Variants in ERO1B observed in about 807,000 individuals in gnomAD.
The protein encoded by ERO1B is ERO1-like protein beta.
A neutral mutation model predicts 75.3 loss-of-function variants in ERO1B; 49 were observed. The observed-to-expected ratio is 0.65, with a 90% confidence interval of 0.52 to 0.83. The LOEUF (loss-of-function observed/expected upper bound fraction) is 0.83. ERO1B is among the 40% of genes least tolerant of loss of function. The pLI, the probability that ERO1B is intolerant of heterozygous loss-of-function variation, is 0.00. For missense variants in ERO1B, 512 were observed against 560.1 expected, an observed-to-expected ratio of 0.91 and a Z score of 0.87; for synonymous variants, 191 against 192.9, an observed-to-expected ratio of 0.99 and a Z score of 0.08.
At chr1:236,270,097 T>G in intron 1 of ERO1B, 103 bp from the exon 2 acceptor site, 1 of 811,120 alleles carries the variant, frequency 1.2e-6, no homozygotes. Context: ...AGTTAGCCGG[T>G]ACTTGCTGAT....
At chr1:236,260,084 T>C (rs1020752010) in intron 2 of ERO1B, among the ~76,000 whole-genome samples, 1 of 85,736 alleles carries the variant, frequency 1.2e-5, no homozygotes, top group African/African-American at 3.8e-5. Context: ...GAAACCAAAG[T>C]TTTTTTTTAA....
chr1:236,263,025 T>C (rs1344317414), intron 2 of ERO1B, among the ~76,000 whole-genome samples: 2 of 152,090 alleles, frequency 1.3e-5, no homozygotes, highest in Non-Finnish European at 2.9e-5. Context: ...ATCTTAAGAA[T>C]TCCCCACAGG....
chr1:236,256,059 G>A (rs575783137), intron 2 of ERO1B, among the ~76,000 whole-genome samples: 1 of 152,314 alleles, frequency 6.6e-6, no homozygotes, highest in South Asian at 2.1e-4. Context: ...CTAAACAGAA[G>A]GGACAGCACT....
At chr1:236,277,438 T>C (rs1665735254) in intron 1 of ERO1B, among the ~76,000 whole-genome samples, 1 of 149,152 alleles carries the variant, frequency 6.7e-6, no homozygotes, top group Non-Finnish European at 1.5e-5. Context: ...GACTAATACA[T>C]GATGACAGTA....
intron 5 of ERO1B, among the ~76,000 whole-genome samples, chr1:236,248,816 A>T (rs1437119410): frequency 6.6e-6 from 1 of 152,156 alleles, no homozygotes; most frequent in Non-Finnish European, 1.5e-5. Context: ...GGGATTTTAA[A>T]TTTATCTGTG....
chr1:236,243,376 A>AG (rs1664761305), intron 6 of ERO1B, 46 bp downstream of exon 6: 2 of 1,262,330 alleles, frequency 1.6e-6, no homozygotes, highest in Non-Finnish European at 2.2e-6. Flanking sequence ...GTCTTATAAA[A>AG]GGGTTAAAGT....
At chr1:236,248,036 C>A (rs1664927079) in intron 5 of ERO1B, among the ~76,000 whole-genome samples, 1 of 152,278 alleles carries the variant, frequency 6.6e-6, no homozygotes, top group East Asian at 1.9e-4. Flanking sequence ...TTACTTATTT[C>A]TCATATATTT....
At chr1:236,222,179 G>A (rs945136688) in intron 13 of ERO1B, among the ~76,000 whole-genome samples, 169 bp from the exon 14 acceptor site, 2 of 152,108 alleles carry the variant, frequency 1.3e-5, no homozygotes, top group African/African-American at 4.8e-5. Context: ...GTGCCATCTC[G>A]GCTTAGTGCA....
At chr1:236,225,277 A>C in intron 12 of ERO1B, 138 bp from the exon 13 acceptor site, 1 of 784,694 alleles carries the variant, frequency 1.3e-6, no homozygotes, top group Non-Finnish European at 2.0e-6. Flanking sequence ...GTAATGTAGA[A>C]AAGTGACAAA....
chr1:236,248,005 T>C (rs897194917), intron 5 of ERO1B, among the ~76,000 whole-genome samples: 2 of 152,214 alleles, frequency 1.3e-5, no homozygotes, highest in African/African-American at 4.8e-5. Context: ...CTGTCTTCCC[T>C]AGCATTCATC....
chr1:236,276,212 T>G (rs555204065), intron 1 of ERO1B, among the ~76,000 whole-genome samples: 2 of 152,350 alleles, frequency 1.3e-5, no homozygotes, highest in East Asian at 3.8e-4. Context: ...GTTTGTGATA[T>G]CTATTAATCC....
Position 236,279,383 on chromosome 1 carries a change from G to T in ERO1B, c.102+2299C>A, listed in dbSNP as rs1665772583. 2.0e-5 allele frequency among the ~76,000 whole-genome samples: 3 copies of T among 151,118 alleles called. No homozygotes were observed. The Admixed American group carries it at 2.0e-4, about 10-fold the overall frequency. On this transcript the variant is annotated intron_variant, in intron 1 of 15. Transcript: ENST00000354619. Reference sequence around the variant, plus strand: ...CCGTGTGTGGTGGCACACACCTATAGTCCCAGTTACTCGGGAGGCTGAGAC... The same window carrying T: ...CCGTGTGTGGTGGCACACACCTATATTCCCAGTTACTCGGGAGGCTGAGAC...
At chr1:236,268,446 A>G (rs990996885) in intron 2 of ERO1B, among the ~76,000 whole-genome samples, 1 of 152,018 alleles carries the variant, frequency 6.6e-6, no homozygotes, top group African/African-American at 2.4e-5. Flanking sequence ...TCTAAAAAAA[A>G]ACAAAAAAAA....
chr1:236,230,013 GTGTATTTA>G (rs1019111384), intron 10 of ERO1B, among the ~76,000 whole-genome samples: 47 of 152,226 alleles, frequency 3.1e-4, no homozygotes, highest in African/African-American at 1.1e-3. Context: ...TATTTGGCCT[GTGTATTTA>G]TATAAACCTG....
intron 12 of ERO1B, 84 bp from the exon 13 acceptor site, chr1:236,225,223 T>C: frequency 7.9e-6 from 10 of 1,267,228 alleles, no homozygotes; most frequent in Non-Finnish European, 1.1e-5. Context: ...TTTTCTATCC[T>C]TATGAATATT....
At chr1:236,267,793 C>CT (rs1665482995) in intron 2 of ERO1B, 1 of 152,130 alleles carries the variant, frequency 6.6e-6, no homozygotes, top group South Asian at 2.1e-4. Context: ...GCTTCTCGGC[C>CT]TTTTGGCTAA....
intron 2 of ERO1B, among the ~76,000 whole-genome samples, chr1:236,268,885 C>T (rs1255701990): frequency 6.6e-6 from 1 of 151,394 alleles, no homozygotes; most frequent in Non-Finnish European, 1.5e-5. Context: ...GACTCTGTCT[C>T]GAGAGAAAAA....
At chr1:236,258,149 CA>C (rs58531434) in intron 2 of ERO1B, among the ~76,000 whole-genome samples, 2 of 96,576 alleles carry the variant, frequency 2.1e-5, no homozygotes, top group African/African-American at 9.5e-5. Flanking sequence ...AAAAACAAAG[CA>C]AAAAAAAAAA....
chr1:236,216,465 G>T lies in ERO1B; in HGVS notation c.*2051C>A, dbSNP rs1246889918. On this transcript the variant is annotated 3_prime_UTR_variant, in exon 16 of 16. Transcript: ENST00000354619. ...AATCTAATTTATGATAAAATAAGAT[G>T]AATTTCAGCCTAAGAATACTTCATT... The T allele has an allele frequency of 2.0e-5, 3 of 151,988 alleles. No homozygotes were observed. The highest frequency in any genetic ancestry group is 4.4e-5 in the Non-Finnish European group (3 of 67,928). The allele number at this position is 151,988 out of a possible 1,614,324, so 9.4% of individuals were successfully genotyped here. A position where few individuals can be genotyped will look rare whatever the true frequency, so the allele number is the denominator to read the frequency against.
Sources: allele counts gnomAD v4.1 joint callset (sites outside exome capture counted in the v4.1 genomes callset), GRCh38; gene constraint gnomAD v4.1.1; transcripts MANE v1.5; gene names NCBI Gene and HGNC (gene_info 2026-07-23, HGNC 2026-07-21).